The following FMNL2 variants were observed in gnomAD, a reference collection of about 807,000 sequenced individuals.
FMNL2 encodes the protein formin-like protein 2.
Under a neutral mutation model 130.2 loss-of-function variants are expected in FMNL2, and 51 were observed. The ratio of observed to expected loss-of-function variants is 0.39; its 90% CI spans 0.31 to 0.49. The LOEUF (loss-of-function observed/expected upper bound fraction) is 0.49, where lower values mean the gene tolerates loss of function less well. Ranked by LOEUF, FMNL2 falls within the 20% of genes least tolerant of loss-of-function variation. The pLI, the probability that FMNL2 is intolerant of heterozygous loss-of-function variation, is 0.85. For synonymous variants in FMNL2, 465 were observed against 467.1 expected, an observed-to-expected ratio of 1.00 and a Z score of 0.06; for missense variants, 977 against 1,316.2, an observed-to-expected ratio of 0.74 and a Z score of 3.99.
Position 152,632,094 on chromosome 2 carries a change from C to G in FMNL2, c.2637C>G (p.Ser879=). Reference sequence around the variant, plus strand: ...TGAAAGAAAAATATCACCAAGTGTCCCTGTTTTATAATGAGCTTCATTATG... The same window carrying G: ...TGAAAGAAAAATATCACCAAGTGTCGCTGTTTTATAATGAGCTTCATTATG... ...NVVKEKYHQV[S]LFYNELHYVE... is the part of the protein sequence containing the mutation. The change falls in exon 21 of 26, where the codon TCC becomes TCG. Residue 879 remains serine (S), a synonymous_variant. Coordinates refer to ENST00000288670, the MANE Select transcript of FMNL2 (RefSeq NM_052905.4). 6.2e-7 allele frequency: 1 copy of G among 1,613,018 alleles called. No homozygotes were observed. The highest frequency in any genetic ancestry group is 1.1e-5 in the South Asian group (1 of 90,774).
intron 1 of FMNL2, among the ~76,000 whole-genome samples, chr2:152,474,089 C>T (rs564820193): frequency 1.8e-4 from 28 of 152,112 alleles, no homozygotes; most frequent in Non-Finnish European, 3.4e-4. Context: ...ATTGGCCAGG[C>T]TGGTCTCAAA....
intron 9 of FMNL2, among the ~76,000 whole-genome samples, chr2:152,583,997 C>T (rs185119641): frequency 2.6e-3 from 400 of 152,256 alleles, no homozygotes; most frequent in Non-Finnish European, 4.7e-3. Context: ...GAGCCTCAAC[C>T]GATTTATCCA....
intron 1 of FMNL2, among the ~76,000 whole-genome samples, chr2:152,425,216 A>G (rs986467357): frequency 1.3e-5 from 2 of 152,220 alleles, no homozygotes; most frequent in African/African-American, 2.4e-5. Context: ...TGAAAATCCA[A>G]TATGGGCCTT....
chr2:152,356,558 G>A (rs10432492), intron 1 of FMNL2, among the ~76,000 whole-genome samples: 102,820 of 152,122 alleles, frequency 0.68, 36,547 homozygotes, highest in Admixed American at 0.81. Flanking sequence ...TAACCCCAAA[G>A]TTAATACAGT....
intron 1 of FMNL2, among the ~76,000 whole-genome samples, chr2:152,449,101 CT>C (rs1292909102): frequency 1.3e-5 from 2 of 152,196 alleles, no homozygotes; most frequent in Non-Finnish European, 2.9e-5. Flanking sequence ...CAATATTTCT[CT>C]TTTTGTAAAT....
At chr2:152,420,061 A>G (rs1039316485) in intron 1 of FMNL2, among the ~76,000 whole-genome samples, 7 of 152,216 alleles carry the variant, frequency 4.6e-5, no homozygotes, top group Non-Finnish European at 1.0e-4. Context: ...CCTGCAGGCC[A>G]GTTTGCTAAA....
At chr2:152,390,776 G>A (rs1685068255) in intron 1 of FMNL2, 1 of 586,128 alleles carries the variant, frequency 1.7e-6, no homozygotes. Context: ...CAGGGCATCA[G>A]GAGAAAGGCT....
intron 1 of FMNL2, among the ~76,000 whole-genome samples, chr2:152,380,860 G>A (rs11898429): frequency 0.5 from 76,701 of 151,968 alleles, 21,002 homozygotes; most frequent in South Asian, 0.67. Flanking sequence ...GCAGGGTGGC[G>A]ACAGTGAGAT....
chr2:152,364,255 T>TTGTG (rs1438694575), intron 1 of FMNL2, among the ~76,000 whole-genome samples: 3 of 57,938 alleles, frequency 5.2e-5, no homozygotes, highest in South Asian at 6.4e-4. Context: ...GTTAGGAGGT[T>TTGTG]TGTGTGTTTT....
chr2:152,549,117 A>G lies in FMNL2; in HGVS notation c.359+20A>G. The G allele has an allele frequency of 1.3e-6, 2 of 1,537,968 alleles. No homozygotes were observed. Among genetic ancestry groups the G allele is most frequent in the South Asian group, 1.2e-5 (1 of 82,038 alleles). ...CATTGGGTAAGTATACCCCTTTAAC[A>G]TCTTAGCTCTAAAGCTTTTGGACAC... On this transcript the variant is annotated intron_variant, in intron 4 of 25. Coordinates refer to ENST00000288670, the MANE Select transcript of FMNL2 (RefSeq NM_052905.4).
chr2:152,387,946 G>A (rs1203584802), intron 1 of FMNL2, among the ~76,000 whole-genome samples: 9 of 152,026 alleles, frequency 5.9e-5, no homozygotes, highest in South Asian at 2.1e-4. Flanking sequence ...GGGCCACTGC[G>A]CTTGGCTGCA....
intron 3 of FMNL2, among the ~76,000 whole-genome samples, chr2:152,546,018 G>A (rs182656779): frequency 3.1e-4 from 47 of 152,246 alleles, no homozygotes; most frequent in African/African-American, 1.1e-3. Context: ...TTACCTCATC[G>A]TGTTTTGATT....
intron 1 of FMNL2, among the ~76,000 whole-genome samples, chr2:152,343,752 T>C (rs1681950010): frequency 6.6e-6 from 1 of 152,148 alleles, no homozygotes; most frequent in Non-Finnish European, 1.5e-5. Context: ...TTTCTCTCCG[T>C]GGAAGTTTGG....
chr2:152,631,965 C>A, intron 20 of FMNL2, 43 bp from the exon 21 acceptor site: 1 of 1,580,922 alleles, frequency 6.3e-7, no homozygotes, highest in South Asian at 1.2e-5. Flanking sequence ...TGTCTTGTTA[C>A]CCTTTACTCT....
chr2:152,364,265 T>G (rs1250311576), intron 1 of FMNL2, among the ~76,000 whole-genome samples: 90 of 34,678 alleles, frequency 2.6e-3, no homozygotes, highest in African/African-American at 5.0e-3. Context: ...TTGTGTGTTT[T>G]TTTTTTTTTT....
chr2:152,538,971 C>T (rs1694155650), intron 2 of FMNL2, among the ~76,000 whole-genome samples: 2 of 152,116 alleles, frequency 1.3e-5, no homozygotes, highest in African/African-American at 4.8e-5. Flanking sequence ...ATTTTTCCCT[C>T]TAAATATTAG....
chr2:152,360,010 G>C (rs6725656), intron 1 of FMNL2, among the ~76,000 whole-genome samples: 117,432 of 152,088 alleles, frequency 0.77, 46,304 homozygotes, highest in Admixed American at 0.86. Flanking sequence ...GTAGATACAA[G>C]TTGGGAAAGT....
chr2:152,465,499 G>A (rs1689480351), intron 1 of FMNL2, among the ~76,000 whole-genome samples: 4 of 152,228 alleles, frequency 2.6e-5, no homozygotes, highest in Non-Finnish European at 5.9e-5. Context: ...GGCTCCTTTA[G>A]TATCTTGAAT....
rs529415415 is a variant in FMNL2 at position 152,390,087 on chromosome 2, G to A, written c.117+54367G>A. 44 of 1,461,508 alleles carry A rather than the reference G, an allele frequency of 3.0e-5. No homozygotes were observed. In the African/African-American group the frequency reaches 4.2e-4, roughly 14 times the overall value. 90.5% of individuals were successfully genotyped at this position (1,461,508 alleles called of 1,614,324 possible). A position where few individuals can be genotyped will look rare whatever the true frequency, so the allele number is the denominator to read the frequency against. ...CTCCCCAGGAAAGCAGGAGAAGAAG[G>A]AGGAAGATGAGGAGGACAAAGGAAA... is the stretch of plus-strand genomic sequence containing the variant. On this transcript the variant is annotated intron_variant, in intron 1 of 25. Coordinates refer to ENST00000288670, the MANE Select transcript of FMNL2 (RefSeq NM_052905.4).
Sources: gnomAD v4.1 joint callset for allele counts (sites outside exome capture counted in the v4.1 genomes callset) on GRCh38, gnomAD v4.1.1 for gene constraint, MANE v1.5 for transcripts, NCBI Gene and HGNC (gene_info 2026-07-23, HGNC 2026-07-21) for gene names.